The following CWF19L1 variants were observed in gnomAD, a reference collection of about 807,000 sequenced individuals.
CWF19L1 encodes CWF19-like protein 1.
CWF19L1 carries 60 observed loss-of-function variants against 69.7 expected under a neutral mutation model. That is an observed-to-expected ratio of 0.86 (90% CI 0.70 to 1.07). The LOEUF (loss-of-function observed/expected upper bound fraction) is 1.07. Among genes scored for constraint, CWF19L1 ranks in the 50% least tolerant of loss-of-function variants. The pLI is 0.00. For synonymous variants in CWF19L1, 209 were observed against 222.2 expected, an observed-to-expected ratio of 0.94 and a Z score of 0.53; for missense variants, 591 against 638.9, an observed-to-expected ratio of 0.92 and a Z score of 0.81.
At chr10:100,256,110 A>C in intron 5 of CWF19L1, 152 bp downstream of exon 5, 1 of 621,470 alleles carries the variant, frequency 1.6e-6, no homozygotes, top group Non-Finnish European at 2.8e-6. Context: ...CAGTTGACAG[A>C]ACTTTTAGAA....
chr10:100,261,522 C>A (rs1589633951), intron 2 of CWF19L1, among the ~76,000 whole-genome samples: 1 of 152,208 alleles, frequency 6.6e-6, no homozygotes, highest in Non-Finnish European at 1.5e-5. Context: ...ACCCAATGAA[C>A]AAATTATCCT....
intron 4 of CWF19L1, among the ~76,000 whole-genome samples, chr10:100,259,200 TAAAA>T (rs11285407): frequency 1.6e-5 from 2 of 128,440 alleles, no homozygotes; most frequent in Admixed American, 8.0e-5. Context: ...GACACTGTCT[TAAAA>T]AAAAAAAAAA....
intron 1 of CWF19L1, among the ~76,000 whole-genome samples, chr10:100,265,285 A>C (rs943691253): frequency 1.3e-5 from 2 of 152,078 alleles, no homozygotes; most frequent in African/African-American, 4.8e-5. Flanking sequence ...AAAGTTTATA[A>C]AGTAAAAGTT....
At chr10:100,250,760 AC>A (rs1846999580) in intron 6 of CWF19L1, among the ~76,000 whole-genome samples, 2 of 133,472 alleles carry the variant, frequency 1.5e-5, no homozygotes, top group South Asian at 4.7e-4. Context: ...ACCCTGGGCA[AC>A]ACAGTGAGAC....
At chr10:100,256,944 T>C (rs1589629586) in intron 4 of CWF19L1, among the ~76,000 whole-genome samples, 1 of 152,206 alleles carries the variant, frequency 6.6e-6, no homozygotes, top group Non-Finnish European at 1.5e-5. Flanking sequence ...TAGCCAGGCA[T>C]GGCAGCGTGT....
At chr10:100,262,125 T>C in intron 1 of CWF19L1, 62 bp from the exon 2 acceptor site, 8 of 1,567,876 alleles carry the variant, frequency 5.1e-6, no homozygotes, top group Non-Finnish European at 6.9e-6. Flanking sequence ...CCGGGTTTGG[T>C]ATATACTGGT....
chr10:100,237,233 T>C (rs1846472850), intron 11 of CWF19L1: 1 of 653,318 alleles, frequency 1.5e-6, no homozygotes, highest in Non-Finnish European at 2.9e-6. Flanking sequence ...ATCTCCGATA[T>C]TATATATGTG....
intron 6 of CWF19L1, 77 bp from the exon 7 acceptor site, chr10:100,250,409 T>C (rs1022602221): frequency 1.1e-6 from 1 of 874,800 alleles, no homozygotes; most frequent in African/African-American, 1.7e-5. Context: ...GTGGACTCTA[T>C]GGGGCCATAA....
chr10:100,265,043 C>T (rs1220739454), intron 1 of CWF19L1, among the ~76,000 whole-genome samples: 1 of 151,648 alleles, frequency 6.6e-6, no homozygotes, highest in Non-Finnish European at 1.5e-5. Flanking sequence ...ATCACTTGAG[C>T]CCAGGAGGTT....
chr10:100,267,404 G>A (rs1276318831), intron 1 of CWF19L1, 167 bp downstream of exon 1: 1 of 984,368 alleles, frequency 1.0e-6, no homozygotes, highest in African/African-American at 1.7e-5. Flanking sequence ...GCCAGGAAAA[G>A]AGGTCAGCCC....
At chr10:100,241,677 G>A (rs1220725395) in intron 10 of CWF19L1, among the ~76,000 whole-genome samples, 1 of 152,344 alleles carries the variant, frequency 6.6e-6, no homozygotes, top group East Asian at 1.9e-4. Flanking sequence ...CATAGCACTG[G>A]CACCTGGCAA....
At position 100,267,536 on chromosome 10, in the gene CWF19L1, C is replaced by G. The variant is rs1378331566; in HGVS notation, c.23+35G>C. 3 of 1,614,056 alleles carry G rather than the reference C, an allele frequency of 1.9e-6. No individual in the cohort carries two copies. The African/African-American group carries it at 4.0e-5, about 22-fold the overall frequency. On this transcript the variant is annotated intron_variant, in intron 1 of 13. Transcript: ENST00000354105. Reference sequence around the variant, plus strand: ...TCGTCACCTACACACACGAAAGAGACACAGGGAGAGAGGCTTCCATTCACG... The same window carrying G: ...TCGTCACCTACACACACGAAAGAGAGACAGGGAGAGAGGCTTCCATTCACG...
In CWF19L1 at chr10:100,235,648, GAA is replaced by G; in HGVS notation, c.1472+17_1472+18del. ...ATAGCAGGTCTAGTGAAAATACATTGAAAAGAAGAAAAACATACCTTCCAAAC... is the reference window on the plus strand; with the variant it reads ...ATAGCAGGTCTAGTGAAAATACATTGAAGAAGAAAAACATACCTTCCAAAC... On this transcript the variant is annotated intron_variant, in intron 13 of 13. Coordinates refer to ENST00000354105, the MANE Select transcript of CWF19L1 (RefSeq NM_018294.6). 1.9e-6 allele frequency: 3 copies of G among 1,560,794 alleles called. No homozygotes were observed. The highest frequency in any genetic ancestry group is 2.6e-6 in the Non-Finnish European group (3 of 1,135,104).
chr10:100,267,421 G>A (rs1847637488), intron 1 of CWF19L1, 150 bp downstream of exon 1: 6 of 1,539,368 alleles, frequency 3.9e-6, no homozygotes, highest in African/African-American at 1.4e-5. Flanking sequence ...GCCCCGGCCA[G>A]GCAAAGACAT....
intron 1 of CWF19L1, chr10:100,262,305 C>T (rs923154794): frequency 1.0e-6 from 1 of 985,312 alleles, no homozygotes; most frequent in Non-Finnish European, 1.2e-6. Flanking sequence ...TTCTTCTCCT[C>T]ATTCCTAAGT....
chr10:100,248,712 C>A, intron 7 of CWF19L1: 1 of 1,106,212 alleles, frequency 9.0e-7, no homozygotes, highest in Non-Finnish European at 1.4e-6. Flanking sequence ...AGATGAGCAA[C>A]GACCTTACAG....
chr10:100,256,509 C>T, intron 4 of CWF19L1, 33 bp from the exon 5 acceptor site: 1 of 1,566,214 alleles, frequency 6.4e-7, no homozygotes, highest in Non-Finnish European at 8.8e-7. Context: ...AAATTTTAGT[C>T]AGAATTGCAG....
chr10:100,256,819 T>C (rs1057102094), intron 4 of CWF19L1, among the ~76,000 whole-genome samples: 4 of 152,170 alleles, frequency 2.6e-5, no homozygotes, highest in African/African-American at 9.7e-5. Context: ...TGGACTTAAA[T>C]GCAGACATCT....
intron 5 of CWF19L1, among the ~76,000 whole-genome samples, chr10:100,255,279 G>A (rs543596399): frequency 6.6e-6 from 1 of 152,302 alleles, no homozygotes; most frequent in Non-Finnish European, 1.5e-5. Flanking sequence ...AGCACTTTGG[G>A]AGGCCAAGGC....
Sources: gnomAD v4.1 joint callset for allele counts (sites outside exome capture counted in the v4.1 genomes callset) on GRCh38, gnomAD v4.1.1 for gene constraint, MANE v1.5 for transcripts, NCBI Gene and HGNC (gene_info 2026-07-23, HGNC 2026-07-21) for gene names.